The following SPAST variants were observed in gnomAD, a reference collection of about 807,000 sequenced individuals.
SPAST encodes spastin.
Under a neutral mutation model 76.6 loss-of-function variants are expected in SPAST, and 30 were observed. That is an observed-to-expected ratio of 0.39 (90% CI 0.29 to 0.53). The LOEUF is 0.53. Ranked by LOEUF, SPAST falls within the 20% of genes least tolerant of loss-of-function variation. SPAST has a pLI of 0.68. For synonymous variants in SPAST, 305 were observed against 281.0 expected, an observed-to-expected ratio of 1.09 and a Z score of -0.86; for missense variants, 717 against 770.5, an observed-to-expected ratio of 0.93 and a Z score of 0.82.
In SPAST at chr2:32,156,177, T is replaced by C. The variant is rs2148770743; in HGVS notation, c.*1681T>C. 1 of 152,474 alleles carries C rather than the reference T, an allele frequency of 6.6e-6. No homozygotes were observed. The highest frequency in any genetic ancestry group is 1.5e-5 in the Non-Finnish European group (1 of 68,200). 9.4% of individuals were successfully genotyped at this position (152,474 alleles called of 1,614,324 possible). ...CCTCAGCCTCCCGAGTAGCTGGGAT[T>C]ACAGGCATGCGCCACTACCCCAGCT... is the stretch of plus-strand genomic sequence containing the variant. On this transcript the variant is annotated 3_prime_UTR_variant, in exon 17 of 17. Coordinates refer to ENST00000315285, the MANE Select transcript of SPAST (RefSeq NM_014946.4).
chr2:32,122,177 G>T (rs576420356), intron 7 of SPAST, among the ~76,000 whole-genome samples: 2 of 151,948 alleles, frequency 1.3e-5, no homozygotes, highest in African/African-American at 4.8e-5. Context: ...TTTTTTCTGG[G>T]GTTATTTGGC....
intron 4 of SPAST, among the ~76,000 whole-genome samples, chr2:32,099,676 G>A (rs1678047300): frequency 6.6e-6 from 1 of 151,900 alleles, no homozygotes; most frequent in Non-Finnish European, 1.5e-5. Flanking sequence ...GAAACATTCA[G>A]TATTTTCCTT....
chr2:32,139,847 A>T (rs1679659520), intron 12 of SPAST, among the ~76,000 whole-genome samples: 1 of 151,798 alleles, frequency 6.6e-6, no homozygotes, highest in Non-Finnish European at 1.5e-5. Flanking sequence ...TAAAAAAAAA[A>T]AAAGAAAAAA....
intron 3 of SPAST, among the ~76,000 whole-genome samples, chr2:32,090,261 A>G (rs537215251): frequency 1.3e-5 from 2 of 152,290 alleles, no homozygotes; most frequent in South Asian, 4.1e-4. Context: ...CTTTCATGCT[A>G]CGGTGACAGA....
chr2:32,102,589 T>C (rs563292033), intron 4 of SPAST, among the ~76,000 whole-genome samples: 24 of 152,370 alleles, frequency 1.6e-4, no homozygotes, highest in African/African-American at 5.8e-4. Flanking sequence ...CCATTCAGTA[T>C]GATATTGGCT....
At chr2:32,084,004 C>A (rs1417592050) in intron 1 of SPAST, among the ~76,000 whole-genome samples, 1 of 150,296 alleles carries the variant, frequency 6.7e-6, no homozygotes, top group Non-Finnish European at 1.5e-5. Context: ...GTCTTCAACT[C>A]CTGACCTCAG....
chr2:32,099,715 T>C (rs1035585028), intron 4 of SPAST, among the ~76,000 whole-genome samples: 1 of 152,156 alleles, frequency 6.6e-6, no homozygotes, highest in Non-Finnish European at 1.5e-5. Flanking sequence ...TAATATATTA[T>C]ATTGTTACCT....
chr2:32,098,465 A>G (rs1054001075), intron 3 of SPAST, among the ~76,000 whole-genome samples: 1 of 152,108 alleles, frequency 6.6e-6, no homozygotes, highest in Non-Finnish European at 1.5e-5. Flanking sequence ...AAGACCGATA[A>G]TTATCTCCAT....
intron 4 of SPAST, among the ~76,000 whole-genome samples, chr2:32,099,413 CTT>C (rs1223058480): frequency 6.6e-6 from 1 of 152,146 alleles, no homozygotes; most frequent in Non-Finnish European, 1.5e-5. Context: ...CCTTCATAAA[CTT>C]TTGGATATCA....
At chr2:32,127,102 G>C in intron 8 of SPAST, 80 bp downstream of exon 8, 1 of 937,128 alleles carries the variant, frequency 1.1e-6, no homozygotes, top group South Asian at 1.3e-5. Flanking sequence ...TCTTGTCCTT[G>C]AGTCTATTAT....
intron 1 of SPAST, among the ~76,000 whole-genome samples, chr2:32,069,714 A>T (rs1195906968): frequency 6.6e-6 from 1 of 151,474 alleles, no homozygotes; most frequent in Admixed American, 6.6e-5. Context: ...CTGCCATCAC[A>T]CCTGGCTAAT....
intron 1 of SPAST, among the ~76,000 whole-genome samples, chr2:32,068,606 G>C (rs1676621571): frequency 1.3e-5 from 2 of 152,112 alleles, no homozygotes; most frequent in South Asian, 2.1e-4. Flanking sequence ...TTACAGGTGT[G>C]AGCCACCGTG....
At chr2:32,128,293 C>A in intron 8 of SPAST, 115 bp from the exon 9 acceptor site, 3 of 786,926 alleles carry the variant, frequency 3.8e-6, no homozygotes, top group East Asian at 2.8e-5. Context: ...CCACACCTGG[C>A]CTCATAGCTT....
chr2:32,105,275 G>A (rs534926017), intron 4 of SPAST, among the ~76,000 whole-genome samples: 1 of 152,108 alleles, frequency 6.6e-6, no homozygotes, highest in African/African-American at 2.4e-5. Context: ...GCATCACGTA[G>A]TTTTCGTGCC....
chr2:32,145,699 T>C (rs918213705), intron 15 of SPAST, among the ~76,000 whole-genome samples: 2 of 152,238 alleles, frequency 1.3e-5, no homozygotes, highest in African/African-American at 4.8e-5. Flanking sequence ...GCTATGTTTT[T>C]ATTCAGGTTA....
chr2:32,081,781 C>CAAAAAAAA lies in SPAST; in HGVS notation c.416-5695_416-5688dup, dbSNP rs34078147. On this transcript the variant is annotated intron_variant, in intron 1 of 16. Transcript: ENST00000315285. ...CCTGGGCGACAGAGTGAGACACTGT[C>CAAAAAAAA]AAAAAAAAAAAAAAAAAAAAAAAGG... Among the ~76,000 whole-genome samples the CAAAAAAAA allele has an allele frequency of 8.6e-3, 380 of 44,366 alleles. 29 individuals are homozygous for CAAAAAAAA. The highest frequency in any genetic ancestry group is 0.028 in the African/African-American group (332 of 11,932). The allele number at this position is 44,366 out of a possible 152,430, so 29.1% of individuals were successfully genotyped here. A position where few individuals can be genotyped will look rare whatever the true frequency, so the allele number is the denominator to read the frequency against.
chr2:32,095,279 A>C (rs1021919330), intron 3 of SPAST, among the ~76,000 whole-genome samples: 1 of 152,200 alleles, frequency 6.6e-6, no homozygotes, highest in African/African-American at 2.4e-5. Flanking sequence ...AGACACATAA[A>C]TAGTCATCAC....
chr2:32,072,698 A>G (rs528408689), intron 1 of SPAST, among the ~76,000 whole-genome samples: 2 of 152,322 alleles, frequency 1.3e-5, no homozygotes, highest in South Asian at 2.1e-4. Flanking sequence ...ATTGTACTTT[A>G]TTTAAAACTC....
intron 1 of SPAST, among the ~76,000 whole-genome samples, chr2:32,080,470 G>A (rs1677174552): frequency 1.2e-5 from 1 of 83,252 alleles, no homozygotes; most frequent in African/African-American, 4.3e-5. Flanking sequence ...TAAACTACAA[G>A]TGGTTGTAAG....
Sources: gnomAD v4.1 joint callset for allele counts (sites outside exome capture counted in the v4.1 genomes callset) on GRCh38, gnomAD v4.1.1 for gene constraint, MANE v1.5 for transcripts, NCBI Gene and HGNC (gene_info 2026-07-23, HGNC 2026-07-21) for gene names.